Variants in RYK observed in about 807,000 individuals in gnomAD.
RYK encodes the protein inactive tyrosine-protein kinase RYK.
RYK carries 21 observed loss-of-function variants against 70.2 expected under a neutral mutation model. The ratio of observed to expected loss-of-function variants is 0.30; its 90% CI spans 0.21 to 0.43. RYK has a LOEUF of 0.43. Ranked by LOEUF, RYK falls within the 20% of genes least tolerant of loss-of-function variation. RYK has a pLI of 1.00. For synonymous variants in RYK, 267 were observed against 278.0 expected (o/e 0.96, Z 0.39); for missense variants, 604 against 753.3 (o/e 0.80, Z 2.32).
Position 134,250,497 on chromosome 3 carries a change from G to T in RYK, c.158C>A (p.Pro53Gln), listed in dbSNP as rs1300679361. 1 of 1,278,108 alleles carries T rather than the reference G, an allele frequency of 7.8e-7. No homozygotes were observed. The allele number at this position is 1,278,108 out of a possible 1,614,324, so 79.2% of individuals were successfully genotyped here. ...CCCCGCGGAAGCCGACTGCAGCTCC[G>T]GGGGCCGCGGGGCGGGGGCGGCGGC... is the stretch of plus-strand genomic sequence containing the variant. ...GAAAAPAPRP[P>Q]ELQSASAGPS... The change falls in exon 1 of 15, where the codon CCG becomes CAG. Residue 53 changes from proline to glutamine, a missense_variant. By Grantham distance (76) the Pro-to-Gln change is moderately conservative. Around this residue, in one of 2 missense-constraint regions of RYK, gnomAD observed 466 missense variants for 535.9 expected, o/e 0.87. Transcript: ENST00000623711.
chr3:134,223,606 T>C (rs1193859449), intron 1 of RYK, among the ~76,000 whole-genome samples: 5 of 132,454 alleles, frequency 3.8e-5, no homozygotes, highest in Non-Finnish European at 8.2e-5. Context: ...TTGAGAAATG[T>C]AAAAAAAAAA....
At chr3:134,223,516 C>A (rs1030691020) in intron 1 of RYK, among the ~76,000 whole-genome samples, 1 of 151,750 alleles carries the variant, frequency 6.6e-6, no homozygotes, top group African/African-American at 2.4e-5. Flanking sequence ...TAGCTCAATT[C>A]TGGTGCCTAC....
intron 10 of RYK, 145 bp from the exon 11 acceptor site, chr3:134,178,218 T>C: frequency 1.6e-6 from 1 of 631,230 alleles, no homozygotes; most frequent in Non-Finnish European, 2.6e-6. Flanking sequence ...ATTATAAGTG[T>C]TCTGTATTTT....
intron 10 of RYK, 22 bp downstream of exon 10, chr3:134,182,980 T>C: frequency 6.5e-7 from 1 of 1,529,038 alleles, no homozygotes; most frequent in Non-Finnish European, 8.9e-7. Context: ...AACACTGAAA[T>C]GCTGGTGGTT....
intron 9 of RYK, among the ~76,000 whole-genome samples, chr3:134,185,692 T>C (rs576176603): frequency 1.3e-5 from 2 of 152,168 alleles, no homozygotes; most frequent in Non-Finnish European, 2.9e-5. Flanking sequence ...TGGAGGCTAG[T>C]AGGATCTTTT....
intron 7 of RYK, among the ~76,000 whole-genome samples, chr3:134,194,126 T>G (rs950558951): frequency 6.6e-6 from 1 of 152,210 alleles, no homozygotes; most frequent in East Asian, 1.9e-4. Flanking sequence ...AATTATATAA[T>G]TTCTTCCACA....
At position 134,158,251 on chromosome 3, in the gene RYK, C is replaced by G. The variant is rs1201595587; in HGVS notation, c.1726G>C (p.Ala576Pro). ...TCTGGATCTAAGGCCCAGCAACAGG[C>G]CATCACAGCAAATCTGCAGAGTGAC... Reference protein sequence around the residue: ...NCPDELFAVMACCWALDPEER... With the variant: ...NCPDELFAVMPCCWALDPEER... The change falls in exon 15 of 15, where the codon GCC becomes CCC. Residue 576 changes from alanine (A) to proline (P), a missense_variant. By Grantham distance (27) the Ala-to-Pro change is conservative (BLOSUM62 -1). Transcript: ENST00000623711. The G allele has an allele frequency of 2.6e-6, 4 of 1,561,012 alleles. No individual in the cohort carries two copies. The South Asian group carries it at 4.8e-5, about 19-fold the overall frequency.
intron 1 of RYK, among the ~76,000 whole-genome samples, chr3:134,227,236 C>A (rs1403381704): frequency 6.6e-6 from 1 of 152,096 alleles, no homozygotes; most frequent in Non-Finnish European, 1.5e-5. Flanking sequence ...GATCTCTACA[C>A]TGAAAACTAT....
chr3:134,163,629 C>G (rs1410682627), intron 13 of RYK, among the ~76,000 whole-genome samples: 1 of 152,104 alleles, frequency 6.6e-6, no homozygotes, highest in Non-Finnish European at 1.5e-5. Flanking sequence ...GCAGCATTAA[C>G]TAAAGATGGA....
intron 1 of RYK, among the ~76,000 whole-genome samples, chr3:134,233,691 C>T (rs2015125048): frequency 6.6e-6 from 1 of 152,132 alleles, no homozygotes; most frequent in Admixed American, 6.6e-5. Flanking sequence ...AACTAAACTG[C>T]TCCCTGTTCA....
At chr3:134,246,375 T>TAAAAA (rs35031038) in intron 1 of RYK, among the ~76,000 whole-genome samples, 1 of 109,872 alleles carries the variant, frequency 9.1e-6, no homozygotes, top group African/African-American at 3.8e-5. Context: ...TGGGAATTAT[T>TAAAAA]AAAAAAAAAA....
At chr3:134,224,306 C>T (rs2014824228) in intron 1 of RYK, among the ~76,000 whole-genome samples, 1 of 152,038 alleles carries the variant, frequency 6.6e-6, no homozygotes, top group Non-Finnish European at 1.5e-5. Context: ...GGACAGGGGG[C>T]CAGCCCTTCC....
intron 13 of RYK, among the ~76,000 whole-genome samples, chr3:134,164,307 A>G (rs116573739): frequency 8.7e-4 from 132 of 152,312 alleles, no homozygotes; most frequent in African/African-American, 2.8e-3. Flanking sequence ...ATTCCACTGG[A>G]TAAGTTCTGA....
chr3:134,237,705 A>G (rs185184242), intron 1 of RYK, among the ~76,000 whole-genome samples: 2 of 152,300 alleles, frequency 1.3e-5, no homozygotes, highest in Non-Finnish European at 2.9e-5. Flanking sequence ...CTCAACTACA[A>G]AACAAAAAAG....
intron 13 of RYK, among the ~76,000 whole-genome samples, chr3:134,165,395 C>T (rs2012629139): frequency 1.3e-5 from 2 of 152,190 alleles, no homozygotes; most frequent in Admixed American, 1.3e-4. Context: ...TGCTGAGTAA[C>T]AGAAGTGGTA....
At chr3:134,166,017 G>A (rs986993013) in intron 13 of RYK, among the ~76,000 whole-genome samples, 2 of 152,232 alleles carry the variant, frequency 1.3e-5, no homozygotes, top group Non-Finnish European at 2.9e-5. Flanking sequence ...GACTTTTAGG[G>A]CTGTTGGGAT....
At chr3:134,166,107 G>C (rs982735982) in intron 13 of RYK, among the ~76,000 whole-genome samples, 7 of 152,222 alleles carry the variant, frequency 4.6e-5, no homozygotes, top group African/African-American at 1.4e-4. Context: ...GAATGTGTGT[G>C]TCCCTGCCAC....
At position 134,241,516 on chromosome 3, in the gene RYK, G is replaced by T. The variant is rs182858230; in HGVS notation, c.232+8907C>A. 2.0e-4 allele frequency among the ~76,000 whole-genome samples: 31 copies of T among 152,224 alleles called. No individual in the cohort carries two copies. In the East Asian group the frequency reaches 6.0e-3, roughly 29 times the overall value. ...GACTCTCCCCACTGATTATAACATG[G>T]TTCTGATTTCAGAGACGTTCAAATG... On this transcript the variant is annotated intron_variant, in intron 1 of 14. Transcript: ENST00000623711.
At chr3:134,195,921 G>A (rs13099506) in intron 6 of RYK, among the ~76,000 whole-genome samples, 45,726 of 151,342 alleles carry the variant, frequency 0.3, 8,382 homozygotes, top group Middle Eastern at 0.47. Flanking sequence ...ACTCCAGCCT[G>A]GGCGATAAAG....
Sources: allele counts gnomAD v4.1 joint callset (sites outside exome capture counted in the v4.1 genomes callset), GRCh38; gene constraint gnomAD v4.1.1; regional missense constraint gnomAD v4.1.1; transcripts MANE v1.5; gene names NCBI Gene and HGNC (gene_info 2026-07-23, HGNC 2026-07-21).